The following FAF1 variants were observed in gnomAD, a reference collection of about 807,000 sequenced individuals.
FAF1 encodes Fas associated factor 1.
In FAF1, 25 loss-of-function variants were observed where a neutral mutation model predicts 92.5. The ratio of observed to expected loss-of-function variants is 0.27; its 90% CI spans 0.20 to 0.38. The LOEUF is 0.38. Among genes scored for constraint, FAF1 ranks in the 10% least tolerant of loss-of-function variants. The pLI is 1.00. For synonymous variants in FAF1, 234 were observed against 273.2 expected (o/e 0.86, Z 1.42); for missense variants, 636 against 793.3 (o/e 0.80, Z 2.38).
chr1:50,885,362 C>G (rs556518095), intron 1 of FAF1, among the ~76,000 whole-genome samples: 15 of 143,454 alleles, frequency 1.0e-4, no homozygotes, highest in Non-Finnish European at 2.1e-4. Flanking sequence ...CTTTACATAT[C>G]TAGGTGCCCC....
At chr1:50,488,133 T>C (rs565482541) in intron 17 of FAF1, among the ~76,000 whole-genome samples, 8 of 152,330 alleles carry the variant, frequency 5.3e-5, no homozygotes, top group South Asian at 4.1e-4. Flanking sequence ...ATAGAGTGCA[T>C]AGTATTATCC....
chr1:50,678,877 G>A (rs965172706), intron 7 of FAF1, among the ~76,000 whole-genome samples: 3 of 150,796 alleles, frequency 2.0e-5, no homozygotes, highest in Non-Finnish European at 4.4e-5. Flanking sequence ...ACGAGGTCAG[G>A]ATGATTGAGA....
At chr1:50,448,630 G>C (rs1178370818) in intron 18 of FAF1, among the ~76,000 whole-genome samples, 5 of 152,178 alleles carry the variant, frequency 3.3e-5, no homozygotes, top group Non-Finnish European at 5.9e-5. Flanking sequence ...GCAGTGTCCA[G>C]CTATACCATG....
chr1:50,803,717 C>A (rs539561139), intron 2 of FAF1, among the ~76,000 whole-genome samples: 1 of 152,230 alleles, frequency 6.6e-6, no homozygotes, highest in Non-Finnish European at 1.5e-5. Flanking sequence ...GGAGGGGATT[C>A]TATACAGAAG....
At chr1:50,679,243 C>T (rs964757776) in intron 7 of FAF1, among the ~76,000 whole-genome samples, 2 of 151,284 alleles carry the variant, frequency 1.3e-5, no homozygotes, top group Non-Finnish European at 2.9e-5. Context: ...TAGTTACAGG[C>T]TTTGAATATC....
intron 8 of FAF1, among the ~76,000 whole-genome samples, chr1:50,646,256 C>A (rs1043724733): frequency 6.6e-6 from 1 of 152,044 alleles, no homozygotes; most frequent in Non-Finnish European, 1.5e-5. Flanking sequence ...TACATATATA[C>A]ACACACACAC....
intron 1 of FAF1, among the ~76,000 whole-genome samples, chr1:50,928,782 CAA>C (rs1157426126): frequency 1.3e-4 from 5 of 39,710 alleles, no homozygotes; most frequent in Non-Finnish European, 1.6e-4. Context: ...GACTCCACCT[CAA>C]AAAAAAAAAA....
At chr1:50,836,421 A>T (rs1270610119) in intron 2 of FAF1, among the ~76,000 whole-genome samples, 1 of 151,848 alleles carries the variant, frequency 6.6e-6, no homozygotes, top group Non-Finnish European at 1.5e-5. Context: ...AGTATTGAAC[A>T]TATATTCAAT....
intron 13 of FAF1, among the ~76,000 whole-genome samples, chr1:50,566,800 A>G (rs1650193011): frequency 6.6e-6 from 1 of 152,078 alleles, no homozygotes; most frequent in Non-Finnish European, 1.5e-5. Context: ...AAAGTTCAAA[A>G]ACATATTAGA....
intron 7 of FAF1, among the ~76,000 whole-genome samples, chr1:50,672,016 TTTC>T (rs1454133155): frequency 7.1e-5 from 8 of 112,188 alleles, no homozygotes; most frequent in South Asian, 5.1e-4. Context: ...CAGGGTGGTC[TTTC>T]TTTTTTTTTT....
intron 1 of FAF1, among the ~76,000 whole-genome samples, chr1:50,904,009 C>T (rs1644816304): frequency 6.6e-6 from 1 of 152,154 alleles, no homozygotes; most frequent in Non-Finnish European, 1.5e-5. Context: ...CTAACAATTC[C>T]ACTTCCGGGT....
intron 12 of FAF1, among the ~76,000 whole-genome samples, chr1:50,573,031 C>T (rs1043630696): frequency 7.2e-5 from 11 of 151,838 alleles, no homozygotes; most frequent in Non-Finnish European, 1.6e-4. Flanking sequence ...GACATCAATG[C>T]TATAAGTAGA....
At chr1:50,766,785 A>C (rs917523032) in intron 4 of FAF1, among the ~76,000 whole-genome samples, 1 of 136,000 alleles carries the variant, frequency 7.4e-6, no homozygotes, top group Admixed American at 7.7e-5. Flanking sequence ...CAAACAAGCA[A>C]GCAAGCAAAA....
At chr1:50,581,244 C>G (rs1158536730) in intron 12 of FAF1, among the ~76,000 whole-genome samples, 1 of 152,252 alleles carries the variant, frequency 6.6e-6, no homozygotes, top group East Asian at 1.9e-4. Context: ...AAGTTTCTTA[C>G]TCTAAATTCA....
At chr1:50,625,524 T>C (rs1653457653) in intron 8 of FAF1, among the ~76,000 whole-genome samples, 1 of 152,192 alleles carries the variant, frequency 6.6e-6, no homozygotes, top group Non-Finnish European at 1.5e-5. Flanking sequence ...TAACTTTGCC[T>C]GAAGACTTCA....
chr1:50,573,893 C>T (rs1446823858), intron 12 of FAF1, among the ~76,000 whole-genome samples: 1 of 151,844 alleles, frequency 6.6e-6, no homozygotes, highest in Non-Finnish European at 1.5e-5. Context: ...TTTGGGAGGC[C>T]GAGGCAGTTG....
intron 3 of FAF1, among the ~76,000 whole-genome samples, chr1:50,793,325 T>C (rs527253893): frequency 2.6e-5 from 4 of 152,272 alleles, no homozygotes; most frequent in African/African-American, 9.6e-5. Context: ...TGTGTGCCAA[T>C]AAAAAGAAAA....
intron 8 of FAF1, among the ~76,000 whole-genome samples, chr1:50,638,238 C>A (rs966835214): frequency 6.6e-6 from 1 of 152,030 alleles, no homozygotes; most frequent in Non-Finnish European, 1.5e-5. Flanking sequence ...AAACAAACTA[C>A]TAAATATTTT....
At chr1:50,855,651 G>C (rs1644385506) in intron 2 of FAF1, among the ~76,000 whole-genome samples, 1 of 151,752 alleles carries the variant, frequency 6.6e-6, no homozygotes, top group Admixed American at 6.6e-5. Flanking sequence ...CAAAATATTT[G>C]TTTCATTTTT....
Sources: gnomAD v4.1 joint callset for allele counts (sites outside exome capture counted in the v4.1 genomes callset) on GRCh38, gnomAD v4.1.1 for gene constraint, MANE v1.5 for transcripts, NCBI Gene and HGNC (gene_info 2026-07-23, HGNC 2026-07-21) for gene names.